TDRD5: variants seen among roughly 807,000 people sequenced by gnomAD.
TDRD5 encodes tudor domain containing 5.
TDRD5 carries 41 observed loss-of-function variants against 120.6 expected under a neutral mutation model. That is an observed-to-expected ratio of 0.34 (90% CI 0.26 to 0.44). The LOEUF is 0.44. TDRD5 is among the 20% of genes least tolerant of loss of function. TDRD5 has a pLI of 1.00. For synonymous variants in TDRD5, 430 were observed against 433.7 expected, an observed-to-expected ratio of 0.99 and a Z score of 0.11; for missense variants, 1,006 against 1,221.2, an observed-to-expected ratio of 0.82 and a Z score of 2.63.
intron 7 of TDRD5, among the ~76,000 whole-genome samples, chr1:179,632,529 C>A (rs914730338): frequency 2.6e-5 from 4 of 151,836 alleles, no homozygotes; most frequent in Non-Finnish European, 5.9e-5. Context: ...TTTATCCACC[C>A]CCCCAAAATA....
chr1:179,660,211 GTTTTTTT>G (rs34435630), intron 14 of TDRD5, among the ~76,000 whole-genome samples: 7 of 58,172 alleles, frequency 1.2e-4, no homozygotes, highest in Admixed American at 2.9e-4. Context: ...ATCTACTATG[GTTTTTTT>G]TTTTTTTTTT....
chr1:179,598,404 A>G (rs547100454), intron 4 of TDRD5, among the ~76,000 whole-genome samples: 27 of 152,358 alleles, frequency 1.8e-4, no homozygotes, highest in African/African-American at 6.3e-4. Flanking sequence ...CCAGAAATAA[A>G]TAAGATTGTG....
At chr1:179,669,855 T>C (rs536630515) in intron 17 of TDRD5, among the ~76,000 whole-genome samples, 2 of 152,370 alleles carry the variant, frequency 1.3e-5, no homozygotes, top group South Asian at 4.1e-4. Context: ...AGTTTTTATG[T>C]CTGGCTGGCT....
chr1:179,676,029 C>T (rs1183021619), intron 17 of TDRD5, among the ~76,000 whole-genome samples: 3 of 152,120 alleles, frequency 2.0e-5, no homozygotes, highest in Admixed American at 2.0e-4. Flanking sequence ...AATTTGGGAG[C>T]TCCAGTGTTA....
At position 179,651,074 on chromosome 1, in the gene TDRD5, C is replaced by T. The variant is rs773126777; in HGVS notation, c.2001+7C>T. 8 of 1,613,536 alleles carry T rather than the reference C, an allele frequency of 5.0e-6. No individual in the cohort carries two copies. Among genetic ancestry groups the T allele is most frequent in the Non-Finnish European group, 3.4e-6 (4 of 1,179,840 alleles). ...AGAAAATATCTCTTCTAAGGTGGAGCAGTCTGGATGTATTTTGTAATATAT... is the reference window on the plus strand; with the variant it reads ...AGAAAATATCTCTTCTAAGGTGGAGTAGTCTGGATGTATTTTGTAATATAT... On this transcript the variant is annotated splice_region_variant and intron_variant, in intron 12 of 17. Coordinates refer to ENST00000444136, the MANE Select transcript of TDRD5 (RefSeq NM_001199085.3).
chr1:179,641,553 AAAAG>A (rs910844846), intron 11 of TDRD5, among the ~76,000 whole-genome samples: 22 of 152,124 alleles, frequency 1.4e-4, no homozygotes, highest in African/African-American at 4.8e-4. Context: ...AGAAGAAAGA[AAAAG>A]AAAAAAAATT....
Position 179,691,031 on chromosome 1 carries a change from A to G in TDRD5, c.*88A>G. ...CCAAAATGAGGAGTTATTGAAGCAA[A>G]ATAGTATCTTGATCATTGATACTTT... On this transcript the variant is annotated 3_prime_UTR_variant, in exon 18 of 18. Transcript: ENST00000444136. 6.1e-6 allele frequency: 9 copies of G among 1,486,732 alleles called. No homozygotes were observed. In the South Asian group the frequency reaches 1.2e-4, roughly 20 times the overall value. The allele number at this position is 1,486,732 out of a possible 1,614,324, so 92.1% of individuals were successfully genotyped here.
Position 179,595,660 on chromosome 1 carries a change from C to G in TDRD5, c.673C>G (p.Gln225Glu), listed in dbSNP as rs1228757814. The G allele has an allele frequency of 1.9e-6, 3 of 1,605,570 alleles. No homozygotes were observed. Among genetic ancestry groups the G allele is most frequent in the Non-Finnish European group, 2.5e-6 (3 of 1,177,392 alleles). ...TTTTACCCAGCCATTTAGAATGAAACAAGGGTCATACTCCACAGGCTTTCC... is the reference window on the plus strand; with the variant it reads ...TTTTACCCAGCCATTTAGAATGAAAGAAGGGTCATACTCCACAGGCTTTCC... ...KIFTQPFRMK[Q>E]GSYSTGFPVA... The change falls in exon 4 of 18, where the codon CAA (glutamine) becomes GAA (glutamate). Residue 225 changes from glutamine (Q) to glutamate (E), a missense_variant. This residue lies in a region of TDRD5 where 445 missense variants were observed against 515.5 expected (regional missense o/e 0.86). Coordinates refer to ENST00000444136, the MANE Select transcript of TDRD5 (RefSeq NM_001199085.3).
chr1:179,662,268 T>A lies in TDRD5; in HGVS notation c.2487T>A (p.Cys829Ter). The A allele has an allele frequency of 6.2e-7, 1 of 1,607,066 alleles. No individual in the cohort carries two copies. Among genetic ancestry groups the A allele is most frequent in the Non-Finnish European group, 8.5e-7 (1 of 1,177,962 alleles). Residue 829 changes from cysteine (C) to a stop codon, truncating the protein, a stop_gained, in exon 15 of 18, where the codon TGT becomes TGA. Coordinates refer to ENST00000444136, the MANE Select transcript of TDRD5 (RefSeq NM_001199085.3). LOFTEE classifies it high-confidence loss of function. ...SLGGKNQYSS[C>*]KEMPQKDWCF... ...GTGGAAAGAATCAGTATTCATCATG[T>A]AAAGAAATGCCACAGAAGGTTAGAT...
At chr1:179,624,216 C>A (rs757418072) in intron 6 of TDRD5, among the ~76,000 whole-genome samples, 12 of 152,054 alleles carry the variant, frequency 7.9e-5, no homozygotes, top group Non-Finnish European at 1.3e-4. Flanking sequence ...AAAAGAATTA[C>A]CAAAATTTAA....
At chr1:179,597,204 C>T (rs760701425) in intron 4 of TDRD5, among the ~76,000 whole-genome samples, 1 of 152,136 alleles carries the variant, frequency 6.6e-6, no homozygotes, top group East Asian at 1.9e-4. Context: ...TTATCAGAGG[C>T]GTGTTTTGTA....
At chr1:179,649,169 C>T (rs537876025) in intron 11 of TDRD5, among the ~76,000 whole-genome samples, 106 of 152,160 alleles carry the variant, frequency 7.0e-4, no homozygotes, top group African/African-American at 2.3e-3. Context: ...TCCTGTTCTT[C>T]AGTATTGGTG....
chr1:179,636,820 T>C (rs1480176761), intron 9 of TDRD5, among the ~76,000 whole-genome samples: 1 of 152,340 alleles, frequency 6.6e-6, no homozygotes, highest in Admixed American at 6.5e-5. Flanking sequence ...ATTGACAACA[T>C]GTACTGTGAG....
At chr1:179,605,279 G>A (rs1052006141) in intron 4 of TDRD5, among the ~76,000 whole-genome samples, 6 of 152,128 alleles carry the variant, frequency 3.9e-5, no homozygotes, top group African/African-American at 1.4e-4. Flanking sequence ...TGTTAGGTGA[G>A]TCTCCTGAAG....
Position 179,634,437 on chromosome 1 carries a change from A to G in TDRD5, c.1127-20A>G. On this transcript the variant is annotated intron_variant, in intron 7 of 17. Transcript: ENST00000444136. ...CCATTTGAGATGGAGTTGTTTCATCAGTCGGAAATTTGTGTTTAGTTCAGT... is the reference window on the plus strand; with the variant it reads ...CCATTTGAGATGGAGTTGTTTCATCGGTCGGAAATTTGTGTTTAGTTCAGT... The G allele has an allele frequency of 6.3e-7, 1 of 1,581,024 alleles. No individual in the cohort carries two copies. The highest frequency in any genetic ancestry group is 2.2e-5 in the East Asian group (1 of 44,722).
intron 6 of TDRD5, among the ~76,000 whole-genome samples, chr1:179,625,022 T>A (rs890931193): frequency 1.3e-5 from 2 of 151,538 alleles, no homozygotes; most frequent in African/African-American, 4.9e-5. Flanking sequence ...GCCTGTAACC[T>A]CAGCACTTTG....
chr1:179,625,130 CA>C lies in TDRD5; in HGVS notation c.972+4054del, dbSNP rs1335101585. On this transcript the variant is annotated intron_variant, in intron 6 of 17. Coordinates refer to ENST00000444136, the MANE Select transcript of TDRD5 (RefSeq NM_001199085.3). ...ACTGAATGCAAGATACAACTGAATACAAAAAAAAAAAAAAAGAATCCCAACC... is the reference window on the plus strand; with the variant it reads ...ACTGAATGCAAGATACAACTGAATACAAAAAAAAAAAAAAGAATCCCAACC... Among the ~76,000 whole-genome samples the C allele has an allele frequency of 3.7e-3, 441 of 120,630 alleles. 5 individuals are homozygous for C. The highest frequency in any genetic ancestry group is 8.9e-3 in the African/African-American group (295 of 33,202). The allele number at this position is 120,630 out of a possible 152,430, so 79.1% of individuals were successfully genotyped here.
rs777605918 is a variant in TDRD5, at chr1:179,690,877, C to G, written c.3042C>G (p.Ala1014=). ...RSTATAALGA[A]ARLATSRSLL... is the part of the protein sequence containing the mutation. The stretch of plus-strand genomic sequence containing the variant: ...CAGCCACTGCTGCCTTAGGTGCTGC[C>G]GCACGGTTAGCTACATCCAGGAGCC... Residue 1014 remains alanine, a synonymous_variant, in exon 18 of 18, where the codon GCC becomes GCG. Coordinates refer to ENST00000444136, the MANE Select transcript of TDRD5 (RefSeq NM_001199085.3). 5 of 1,613,910 alleles carry G rather than the reference C, an allele frequency of 3.1e-6. No homozygotes were observed. Among genetic ancestry groups the G allele is most frequent in the Non-Finnish European group, 4.2e-6 (5 of 1,179,988 alleles).
At chr1:179,624,481 C>T (rs1305761535) in intron 6 of TDRD5, among the ~76,000 whole-genome samples, 3 of 152,040 alleles carry the variant, frequency 2.0e-5, no homozygotes, top group African/African-American at 7.2e-5. Context: ...AAACGTAAAA[C>T]TTTATTTGTA....
Sources: allele counts gnomAD v4.1 joint callset (sites outside exome capture counted in the v4.1 genomes callset), GRCh38; gene constraint gnomAD v4.1.1; regional missense constraint gnomAD v4.1.1; transcripts MANE v1.5; gene names NCBI Gene and HGNC (gene_info 2026-07-23, HGNC 2026-07-21).